Variants in SLC39A11 observed in about 807,000 individuals in gnomAD.
SLC39A11 encodes zinc transporter ZIP11.
SLC39A11 carries 33 observed loss-of-function variants against 36.1 expected under a neutral mutation model. The ratio of observed to expected loss-of-function variants is 0.91; its 90% confidence interval spans 0.69 to 1.22. SLC39A11 has a LOEUF of 1.22. Among genes scored for constraint, SLC39A11 ranks in the 50% most tolerant of loss-of-function variants. SLC39A11 has a pLI of 0.00. For missense variants in SLC39A11, 432 were observed against 430.3 expected (o/e 1.00, Z -0.03); for synonymous variants, 166 against 170.3 (o/e 0.97, Z 0.20).
At chr17:72,674,846 G>C (rs1286171148) in intron 7 of SLC39A11, among the ~76,000 whole-genome samples, 1 of 152,070 alleles carries the variant, frequency 6.6e-6, no homozygotes, top group Admixed American at 6.5e-5. Context: ...AACGTGTTTT[G>C]GTGAATTATC....
At chr17:72,845,799 C>G (rs1368223344) in intron 6 of SLC39A11, among the ~76,000 whole-genome samples, 1 of 152,136 alleles carries the variant, frequency 6.6e-6, no homozygotes, top group Non-Finnish European at 1.5e-5. Context: ...TCCAGTCAAG[C>G]CAGCTGTCCT....
chr17:72,862,378 T>C (rs981067630), intron 5 of SLC39A11, among the ~76,000 whole-genome samples: 7 of 152,168 alleles, frequency 4.6e-5, no homozygotes, highest in Non-Finnish European at 8.8e-5. Flanking sequence ...TCAAACAGCA[T>C]GGGACTTAGT....
chr17:72,903,813 T>C (rs535733707), intron 5 of SLC39A11, among the ~76,000 whole-genome samples: 17 of 152,266 alleles, frequency 1.1e-4, no homozygotes, highest in African/African-American at 4.1e-4. Flanking sequence ...GAGGTCTCAA[T>C]AACCAGCCTC....
At chr17:72,947,514 A>G (rs1163072036) in intron 5 of SLC39A11, 1 of 582,274 alleles carries the variant, frequency 1.7e-6, no homozygotes, top group Non-Finnish European at 3.0e-6. Context: ...AAGATGATCA[A>G]AAGGTACCGT....
At chr17:73,070,880 G>C (rs1381444417) in intron 3 of SLC39A11, among the ~76,000 whole-genome samples, 2 of 152,142 alleles carry the variant, frequency 1.3e-5, no homozygotes, top group African/African-American at 4.8e-5. Context: ...ACGTGGAATT[G>C]TGAGTCCATT....
At chr17:72,773,819 G>C (rs966851057) in intron 6 of SLC39A11, among the ~76,000 whole-genome samples, 1 of 152,080 alleles carries the variant, frequency 6.6e-6, no homozygotes, top group Non-Finnish European at 1.5e-5. Flanking sequence ...TGTAGACCTA[G>C]AAAAAAATAT....
chr17:73,004,446 T>G lies in SLC39A11; in HGVS notation c.306+27110A>C, dbSNP rs543600512. On this transcript the variant is annotated intron_variant, in intron 4 of 9. Transcript: ENST00000255559. ...ACAGCGAGCTCTCTGGTGTCTCTTC[T>G]TAAAAGGACACTAATCCCATATGAG... is the stretch of plus-strand genomic sequence containing the variant. Among the ~76,000 whole-genome samples, 3 of 152,276 alleles carry G rather than the reference T, an allele frequency of 2.0e-5. No homozygotes were observed. The South Asian group carries it at 6.2e-4, about 32-fold the overall frequency.
Position 72,670,198 on chromosome 17 carries a change from CACACACACACACACAT to C in SLC39A11, c.672-20946_672-20931del, listed in dbSNP as rs1299890919. ...ACACACACACACACACACACACACACACACACACACACACATATATATATATGCCAGGCATGGTGGC... is the reference window on the plus strand; with the variant it reads ...ACACACACACACACACACACACACACATATATATATGCCAGGCATGGTGGC... On this transcript the variant is annotated intron_variant, in intron 7 of 9. Transcript: ENST00000255559. Among the ~76,000 whole-genome samples the C allele has an allele frequency of 7.7e-4, 66 of 85,168 alleles. 2 individuals are homozygous for C. Among genetic ancestry groups the C allele is most frequent in the Admixed American group, 1.5e-3 (13 of 8,676 alleles). The allele number at this position is 85,168 out of a possible 152,430, so 55.9% of individuals were successfully genotyped here. A position where few individuals can be genotyped will look rare whatever the true frequency, so the allele number is the denominator to read the frequency against.
At chr17:72,684,256 C>T (rs902070664) in intron 7 of SLC39A11, among the ~76,000 whole-genome samples, 1 of 152,200 alleles carries the variant, frequency 6.6e-6, no homozygotes, top group African/African-American at 2.4e-5. Context: ...GTCAGCAGCA[C>T]ATTTACAGCA....
chr17:73,065,745 C>T (rs1394562287), intron 3 of SLC39A11, among the ~76,000 whole-genome samples: 1 of 152,204 alleles, frequency 6.6e-6, no homozygotes, highest in African/African-American at 2.4e-5. Flanking sequence ...GGTTTTACTT[C>T]TCTGCCGCTT....
intron 7 of SLC39A11, among the ~76,000 whole-genome samples, chr17:72,668,251 A>G (rs1020544511): frequency 1.3e-5 from 2 of 152,054 alleles, no homozygotes; most frequent in African/African-American, 4.8e-5. Flanking sequence ...ACTGGCTTCT[A>G]GCACATACCT....
intron 9 of SLC39A11, among the ~76,000 whole-genome samples, 177 bp downstream of exon 9, chr17:72,648,626 T>G (rs1337552259): frequency 1.3e-5 from 2 of 152,146 alleles, no homozygotes; most frequent in Admixed American, 1.3e-4. Flanking sequence ...GCCCTTAGCT[T>G]CTTTTCTTTT....
At chr17:72,748,620 C>T (rs2075037588) in intron 6 of SLC39A11, among the ~76,000 whole-genome samples, 1 of 152,216 alleles carries the variant, frequency 6.6e-6, no homozygotes, top group African/African-American at 2.4e-5. Flanking sequence ...ACAGCCACAT[C>T]TTCAAACAAC....
At position 72,892,929 on chromosome 17, in the gene SLC39A11, T is replaced by C. The variant is rs77637374; in HGVS notation, c.431-43125A>G. Among the ~76,000 whole-genome samples, 1,099 of 152,274 alleles carry C rather than the reference T, an allele frequency of 7.2e-3. 14 individuals are homozygous for C. Among genetic ancestry groups the C allele is most frequent in the African/African-American group, 0.025 (1,034 of 41,542 alleles). On this transcript the variant is annotated intron_variant, in intron 5 of 9. Coordinates refer to ENST00000255559, the MANE Select transcript of SLC39A11 (RefSeq NM_139177.4). ...CACTCATTGCCAGCATCCATGTATT[T>C]TCCAGGGTAGGTTCTCCAAGAGGCA...
intron 5 of SLC39A11, among the ~76,000 whole-genome samples, chr17:72,880,353 G>A (rs2081129784): frequency 6.6e-6 from 1 of 152,132 alleles, no homozygotes; most frequent in African/African-American, 2.4e-5. Context: ...TGGATCGCTT[G>A]AGCCTAGGAG....
chr17:72,732,798 G>A (rs892917519), intron 7 of SLC39A11, among the ~76,000 whole-genome samples: 1 of 152,210 alleles, frequency 6.6e-6, no homozygotes, highest in South Asian at 2.1e-4. Flanking sequence ...GAGCCTGAAA[G>A]ATTTCTATTA....
intron 6 of SLC39A11, among the ~76,000 whole-genome samples, chr17:72,814,838 A>T (rs756900093): frequency 2.0e-5 from 3 of 152,306 alleles, no homozygotes; most frequent in East Asian, 1.9e-4. Flanking sequence ...TTAGGACCCC[A>T]TGAGAACAAT....
chr17:72,871,056 G>GTTTTTTTT (rs34776144), intron 5 of SLC39A11, among the ~76,000 whole-genome samples: 1 of 124,310 alleles, frequency 8.0e-6, no homozygotes, highest in Non-Finnish European at 1.7e-5. Context: ...TTTTGTTTTT[G>GTTTTTTTT]TTTTTTTTTT....
At chr17:72,756,894 A>G (rs1055088624) in intron 6 of SLC39A11, among the ~76,000 whole-genome samples, 1 of 152,058 alleles carries the variant, frequency 6.6e-6, no homozygotes, top group Admixed American at 6.6e-5. Context: ...TCATGCCTGT[A>G]ATCTCAGCAC....
Sources: allele counts gnomAD v4.1 joint callset (sites outside exome capture counted in the v4.1 genomes callset), GRCh38; gene constraint gnomAD v4.1.1; transcripts MANE v1.5; gene names NCBI Gene and HGNC (gene_info 2026-07-23, HGNC 2026-07-21).